Variants in PARD3B observed in about 807,000 individuals in gnomAD.
The protein encoded by PARD3B is par-3 family cell polarity regulator beta, also known as partitioning defective 3 homolog B.
Under a neutral mutation model 130.2 loss-of-function variants are expected in PARD3B, and 103 were observed. That is an observed-to-expected ratio of 0.79 (90% CI 0.67 to 0.93). The LOEUF (loss-of-function observed/expected upper bound fraction) is 0.93. PARD3B is among the 40% of genes least tolerant of loss of function. The pLI, the probability that PARD3B is intolerant of heterozygous loss-of-function variation, is 0.00. For missense variants in PARD3B, 1,609 were observed against 1,499.2 expected (o/e 1.07, Z -1.21); for synonymous variants, 583 against 553.2 (o/e 1.05, Z -0.76).
At chr2:205,190,483 A>G (rs2036335513) in intron 14 of PARD3B, among the ~76,000 whole-genome samples, 1 of 152,224 alleles carries the variant, frequency 6.6e-6, no homozygotes, top group Non-Finnish European at 1.5e-5. Context: ...CCACATAGTA[A>G]AAGGTGAGCA....
intron 11 of PARD3B, among the ~76,000 whole-genome samples, chr2:205,167,896 A>G (rs1009548864): frequency 1.3e-5 from 2 of 152,220 alleles, no homozygotes; most frequent in African/African-American, 2.4e-5. Flanking sequence ...AATATATGCA[A>G]AAGACATGCT....
chr2:204,877,609 C>T (rs1163088069), intron 2 of PARD3B, among the ~76,000 whole-genome samples: 1 of 152,072 alleles, frequency 6.6e-6, no homozygotes, highest in African/African-American at 2.4e-5. Context: ...CTCTTACTGT[C>T]CCTCTACCAA....
At chr2:204,680,159 AT>A (rs1197166045) in intron 1 of PARD3B, among the ~76,000 whole-genome samples, 3 of 152,050 alleles carry the variant, frequency 2.0e-5, no homozygotes, top group African/African-American at 7.2e-5. Flanking sequence ...TTCCTTAAAT[AT>A]TAGGAAGATT....
At chr2:204,904,493 A>G (rs1182504981) in intron 2 of PARD3B, among the ~76,000 whole-genome samples, 2 of 152,156 alleles carry the variant, frequency 1.3e-5, no homozygotes, top group African/African-American at 4.8e-5. Flanking sequence ...ATTTGCATCC[A>G]TCGTCTACCC....
chr2:204,757,186 A>G (rs751169944), intron 2 of PARD3B, among the ~76,000 whole-genome samples: 7 of 151,990 alleles, frequency 4.6e-5, no homozygotes, highest in Non-Finnish European at 8.8e-5. Context: ...GGTTGATTCT[A>G]TGTCTTTGCT....
chr2:205,504,101 C>T (rs976744921), intron 21 of PARD3B, among the ~76,000 whole-genome samples: 5 of 152,098 alleles, frequency 3.3e-5, no homozygotes, highest in African/African-American at 1.2e-4. Context: ...TATCTACAAC[C>T]ATCTGATCTT....
chr2:204,652,483 C>T (rs1202274595), intron 1 of PARD3B, among the ~76,000 whole-genome samples: 1 of 152,194 alleles, frequency 6.6e-6, no homozygotes, highest in Non-Finnish European at 1.5e-5. Context: ...TCAGCCTGGA[C>T]TTCATTGTCC....
intron 4 of PARD3B, among the ~76,000 whole-genome samples, chr2:205,084,266 C>T (rs13389502): frequency 0.096 from 14,539 of 152,032 alleles, 836 homozygotes; most frequent in Middle Eastern, 0.2. Context: ...AGAAAACAAT[C>T]CTGGAATTAG....
chr2:205,233,685 T>G (rs937545630), intron 15 of PARD3B, among the ~76,000 whole-genome samples: 2 of 152,180 alleles, frequency 1.3e-5, no homozygotes, highest in African/African-American at 4.8e-5. Flanking sequence ...AAAAAATGTG[T>G]TGCTACCAAA....
chr2:204,855,368 C>G (rs1269371468), intron 2 of PARD3B, among the ~76,000 whole-genome samples: 2 of 151,670 alleles, frequency 1.3e-5, no homozygotes, highest in Admixed American at 6.6e-5. Flanking sequence ...CATGGTGAAA[C>G]CCGTCTCTAC....
chr2:205,159,976 C>T (rs2034412345), intron 11 of PARD3B, among the ~76,000 whole-genome samples: 1 of 152,200 alleles, frequency 6.6e-6, no homozygotes, highest in Non-Finnish European at 1.5e-5. Flanking sequence ...TGTCTATCCT[C>T]TCCCACAGCA....
chr2:205,096,818 T>G (rs1702429130), intron 4 of PARD3B, among the ~76,000 whole-genome samples: 1 of 152,180 alleles, frequency 6.6e-6, no homozygotes, highest in South Asian at 2.1e-4. Context: ...CAAAAAAGGT[T>G]TTTTTTATTT....
At chr2:205,343,846 T>C (rs2043641484) in intron 18 of PARD3B, among the ~76,000 whole-genome samples, 1 of 151,502 alleles carries the variant, frequency 6.6e-6, no homozygotes, top group Admixed American at 6.6e-5. Context: ...TCACCCCCTA[T>C]GCCTGACCCT....
chr2:204,856,033 A>G (rs1181326542), intron 2 of PARD3B, among the ~76,000 whole-genome samples: 1 of 152,192 alleles, frequency 6.6e-6, no homozygotes, highest in Non-Finnish European at 1.5e-5. Flanking sequence ...TATCTCTTTG[A>G]CATGTTGATT....
intron 16 of PARD3B, among the ~76,000 whole-genome samples, chr2:205,267,470 G>C (rs1297923527): frequency 6.9e-6 from 1 of 145,412 alleles, no homozygotes; most frequent in Non-Finnish European, 1.5e-5. Flanking sequence ...AGATGGGCAA[G>C]ATCAGCGGGG....
At position 205,575,354 on chromosome 2, in the gene PARD3B, C is replaced by G. The variant is rs1300586017; in HGVS notation, c.3260+21951C>G. On this transcript the variant is annotated intron_variant, in intron 22 of 22. Transcript: ENST00000406610. This position sits in a 1 kb window ranked among gnomAD's most constrained non-coding sequence, Gnocchi z 4.6. ...AACTGCAGTGGTAAAACTGTTACAT[C>G]TGATGACCCTGCATTGACACATCAT... Among the ~76,000 whole-genome samples the G allele has an allele frequency of 1.3e-5, 2 of 151,852 alleles. No homozygotes were observed. The highest frequency in any genetic ancestry group is 1.5e-5 in the Non-Finnish European group (1 of 67,992).
chr2:204,598,614 A>G (rs1305739550), intron 1 of PARD3B, among the ~76,000 whole-genome samples: 1 of 152,148 alleles, frequency 6.6e-6, no homozygotes, highest in African/African-American at 2.4e-5. Context: ...TGCTAAATTA[A>G]ATGTGTATGT....
chr2:205,082,459 C>T (rs1183988012), intron 4 of PARD3B, among the ~76,000 whole-genome samples: 1 of 152,136 alleles, frequency 6.6e-6, no homozygotes, highest in Non-Finnish European at 1.5e-5. Flanking sequence ...TGTGCACTTT[C>T]TCTCTCTGTC....
rs1416861959 is a variant in PARD3B, at chr2:204,855,818, GC to G, written c.223-109332del. Among the ~76,000 whole-genome samples the G allele has an allele frequency of 1.2e-4, 18 of 151,998 alleles. No homozygotes were observed. In the South Asian group the frequency reaches 2.5e-3, roughly 21 times the overall value. ...GATCATGTGGTATTTGCCTTTCTGT[GC>G]CTGGCTCATTTCACTGAGCAAAGTA... On this transcript the variant is annotated intron_variant, in intron 2 of 22. Transcript: ENST00000406610.
Sources: gnomAD v4.1 joint callset for allele counts (sites outside exome capture counted in the v4.1 genomes callset) on GRCh38, gnomAD v4.1.1 for gene constraint, Gnocchi (gnomAD v3.1) non-coding constraint, MANE v1.5 for transcripts, NCBI Gene and HGNC (gene_info 2026-07-23, HGNC 2026-07-21) for gene names.